Variants in OTX2 observed in about 807,000 individuals in gnomAD.
OTX2 encodes the protein orthodenticle homeobox 2.
Under a neutral mutation model 29.0 loss-of-function variants are expected in OTX2, and 4 were observed. That is an observed-to-expected ratio of 0.14 (90% CI 0.07 to 0.32). The LOEUF is 0.32. OTX2 is among the 10% of genes least tolerant of loss of function. The pLI, the probability that OTX2 is intolerant of heterozygous loss-of-function variation, is 1.00. For missense variants in OTX2, 298 were observed against 365.9 expected, an observed-to-expected ratio of 0.81 and a Z score of 1.51; for synonymous variants, 134 against 141.0, an observed-to-expected ratio of 0.95 and a Z score of 0.35.
chr14:56,805,258 A>C, intron 3 of OTX2, 102 bp downstream of exon 3: 1 of 788,112 alleles, frequency 1.3e-6, no homozygotes. Flanking sequence ...GGGTGGGGAC[A>C]GTGTGACTGC....
chr14:56,806,297 G>A (rs1234233053), intron 2 of OTX2, among the ~76,000 whole-genome samples: 1 of 152,206 alleles, frequency 6.6e-6, no homozygotes, highest in Non-Finnish European at 1.5e-5. Flanking sequence ...TTCGAGGTAA[G>A]TAACAGATTT....
chr14:56,809,294 G>C (rs1892196585), intron 2 of OTX2, among the ~76,000 whole-genome samples: 1 of 152,226 alleles, frequency 6.6e-6, no homozygotes, highest in South Asian at 2.1e-4. Flanking sequence ...GCAAAGTCAT[G>C]TTGAAAAAAC....
Position 56,804,044 on chromosome 14 carries a change from A to T in OTX2, c.273+144T>A. ...CGGGCAGGCAAAAAAGGGCAGAAGG[A>T]GAATAGTTTCCTGGCCCCTTAGTGA... On this transcript the variant is annotated intron_variant, in intron 4 of 4. Transcript: ENST00000672264. This position sits in a 1 kb window ranked among gnomAD's most constrained non-coding sequence, Gnocchi z 4.1. The T allele has an allele frequency of 1.0e-6, 1 of 974,038 alleles. No individual in the cohort carries two copies. Among genetic ancestry groups the T allele is most frequent in the South Asian group, 1.5e-5 (1 of 68,824 alleles). The allele number at this position is 974,038 out of a possible 1,614,324, so 60.3% of individuals were successfully genotyped here. A position where few individuals can be genotyped will look rare whatever the true frequency, so the allele number is the denominator to read the frequency against.
intron 2 of OTX2, among the ~76,000 whole-genome samples, chr14:56,806,989 G>A (rs985669730): frequency 1.3e-5 from 2 of 152,074 alleles, no homozygotes; most frequent in Admixed American, 6.6e-5. Context: ...AAAGGACTCC[G>A]GGTTTTCATA....
Position 56,802,400 on chromosome 14 carries a change from T to C in OTX2, c.274-45A>G. 1.2e-6 allele frequency: 2 copies of C among 1,607,196 alleles called. No individual in the cohort carries two copies. Among genetic ancestry groups the C allele is most frequent in the Non-Finnish European group, 1.7e-6 (2 of 1,175,378 alleles). Reference sequence around the variant, plus strand: ...TCTTTAACTCGGTTTTGATAGTTCCTTAAGGACAAGAATGGCTCCCGTATT... The same window carrying C: ...TCTTTAACTCGGTTTTGATAGTTCCCTAAGGACAAGAATGGCTCCCGTATT... On this transcript the variant is annotated intron_variant, in intron 4 of 4. Transcript: ENST00000672264. The surrounding 1 kb of genome is among the most constrained non-coding windows in gnomAD (Gnocchi z 4.4).
In OTX2 at chr14:56,804,241, A is replaced by G; in HGVS notation, c.220T>C (p.Phe74Leu). Residue 74 changes from phenylalanine to leucine, a missense_variant, in exon 4 of 5, where the codon TTC (phenylalanine) becomes CTC (leucine). By Grantham distance (22) the Phe-to-Leu change is conservative. This residue lies in a region of OTX2 where 29 missense variants were observed against 84.7 expected (regional missense o/e 0.34). Coordinates refer to ENST00000672264, the MANE Select transcript of OTX2 (RefSeq NM_021728.4). The surrounding 1 kb of genome is among the most constrained non-coding windows in gnomAD (Gnocchi z 4.1). ...LFAKTRYPDI[F>L]MREEVALKIN... is the part of the protein sequence containing the mutation. Reference sequence around the variant, plus strand: ...TTCAGTGCCACCTCCTCTCGCATGAAGATGTCTGGGTACCGGGTCTTGGCA... The same window carrying G: ...TTCAGTGCCACCTCCTCTCGCATGAGGATGTCTGGGTACCGGGTCTTGGCA... 6.2e-7 allele frequency: 1 copy of G among 1,614,164 alleles called. No individual in the cohort carries two copies. The highest frequency in any genetic ancestry group is 8.5e-7 in the Non-Finnish European group (1 of 1,180,024).
intron 2 of OTX2, 101 bp downstream of exon 2, chr14:56,810,058 C>CT (rs1892223002): frequency 6.6e-6 from 1 of 152,180 alleles, no homozygotes. Context: ...ACTCCACGTT[C>CT]GCAGAGGGGC....
rs1314069617 is a variant in OTX2, at chr14:56,802,914, T to G, written c.274-559A>C. 6.6e-6 allele frequency among the ~76,000 whole-genome samples: 1 copy of G among 152,168 alleles called. No individual in the cohort carries two copies. The highest frequency in any genetic ancestry group is 1.5e-5 in the Non-Finnish European group (1 of 68,034). Reference sequence around the variant, plus strand: ...AGAACAAAGCTCCAAGGGGAAGACATGATCTTGTTGAAGAAAGAGGTCTGA... The same window carrying G: ...AGAACAAAGCTCCAAGGGGAAGACAGGATCTTGTTGAAGAAAGAGGTCTGA... On this transcript the variant is annotated intron_variant, in intron 4 of 4. Transcript: ENST00000672264. The surrounding 1 kb of genome is among the most constrained non-coding windows in gnomAD (Gnocchi z 4.4).
chr14:56,805,271 A>G (rs1892042113), intron 3 of OTX2, 89 bp downstream of exon 3: 4 of 888,470 alleles, frequency 4.5e-6, no homozygotes, highest in Non-Finnish European at 7.4e-6. Flanking sequence ...GTGACTGCCA[A>G]CCCCCGTGTT....
intron 2 of OTX2, among the ~76,000 whole-genome samples, chr14:56,808,754 C>G (rs2139544420): frequency 6.6e-6 from 1 of 152,332 alleles, no homozygotes; most frequent in Middle Eastern, 3.4e-3. Context: ...CCTCCCCAAG[C>G]AATCCACCAC....
At chr14:56,807,911 G>A (rs550016464) in intron 2 of OTX2, among the ~76,000 whole-genome samples, 2 of 152,186 alleles carry the variant, frequency 1.3e-5, no homozygotes, top group South Asian at 2.1e-4. Context: ...GGCGAGTTCC[G>A]GCAGCCGGTC....
chr14:56,809,114 G>T (rs1309983573), intron 2 of OTX2, among the ~76,000 whole-genome samples: 1 of 152,190 alleles, frequency 6.6e-6, no homozygotes, highest in Non-Finnish European at 1.5e-5. Context: ...GCGAGCGCGC[G>T]GGCGAGCCCT....
intron 2 of OTX2, among the ~76,000 whole-genome samples, chr14:56,805,939 A>G (rs1265826161): frequency 6.6e-6 from 1 of 152,140 alleles, no homozygotes; most frequent in Non-Finnish European, 1.5e-5. Context: ...ATTGGCTGGC[A>G]CTAGCTAATT....
In OTX2 at chr14:56,802,400, T is replaced by G. The variant is rs751207370; in HGVS notation, c.274-45A>C. 1.2e-6 allele frequency: 2 copies of G among 1,607,196 alleles called. No individual in the cohort carries two copies. Among genetic ancestry groups the G allele is most frequent in the South Asian group, 2.2e-5 (2 of 90,974 alleles). ...TCTTTAACTCGGTTTTGATAGTTCC[T>G]TAAGGACAAGAATGGCTCCCGTATT... On this transcript the variant is annotated intron_variant, in intron 4 of 4. Coordinates refer to ENST00000672264, the MANE Select transcript of OTX2 (RefSeq NM_021728.4). This position sits in a 1 kb window ranked among gnomAD's most constrained non-coding sequence, Gnocchi z 4.4.
chr14:56,802,490 T>C lies in OTX2; in HGVS notation c.274-135A>G. On this transcript the variant is annotated intron_variant, in intron 4 of 4. Coordinates refer to ENST00000672264, the MANE Select transcript of OTX2 (RefSeq NM_021728.4). The surrounding 1 kb of genome is among the most constrained non-coding windows in gnomAD (Gnocchi z 4.4). ...ATTTCCCCTGCCACTGAAGACCTATTATGTGGTACTCTCATATAAACTCCT... is the reference window on the plus strand; with the variant it reads ...ATTTCCCCTGCCACTGAAGACCTATCATGTGGTACTCTCATATAAACTCCT... The C allele has an allele frequency of 3.0e-6, 3 of 986,078 alleles. No individual in the cohort carries two copies. Among genetic ancestry groups the C allele is most frequent in the South Asian group, 1.3e-5 (1 of 77,102 alleles). 61.1% of individuals were successfully genotyped at this position (986,078 alleles called of 1,614,324 possible).
intron 2 of OTX2, 187 bp from the exon 3 acceptor site, chr14:56,805,762 G>T: frequency 3.1e-6 from 1 of 322,160 alleles, no homozygotes; most frequent in Non-Finnish European, 5.7e-6. Flanking sequence ...GAACTAGAGG[G>T]GATGGAAGGA....
intron 4 of OTX2, among the ~76,000 whole-genome samples, chr14:56,803,197 G>A (rs1490764366): frequency 6.6e-6 from 1 of 152,170 alleles, no homozygotes; most frequent in African/African-American, 2.4e-5. Context: ...GTGTACGAGG[G>A]GGCTTAGAAG....
chr14:56,803,922 A>C (rs942897161), intron 4 of OTX2, among the ~76,000 whole-genome samples: 4 of 152,164 alleles, frequency 2.6e-5, no homozygotes, highest in Non-Finnish European at 4.4e-5. Context: ...AAGGGTTACA[A>C]CACCACGTGA....
chr14:56,805,658 TAA>T, intron 2 of OTX2, 83 bp from the exon 3 acceptor site: 1 of 594,572 alleles, frequency 1.7e-6, no homozygotes, highest in Non-Finnish European at 3.1e-6. Flanking sequence ...AGCACTAACT[TAA>T]AAAGAGCACG....
Sources: gnomAD v4.1 joint callset for allele counts (sites outside exome capture counted in the v4.1 genomes callset) on GRCh38, gnomAD v4.1.1 for gene constraint, gnomAD v4.1.1 regional missense constraint, Gnocchi (gnomAD v3.1) non-coding constraint, MANE v1.5 for transcripts, NCBI Gene and HGNC (gene_info 2026-07-23, HGNC 2026-07-21) for gene names.